Variants in CDPF1 observed in about 807,000 individuals in gnomAD.
The protein encoded by CDPF1 is cysteine rich DPF motif domain containing 1, also known as cysteine-rich DPF motif domain-containing protein 1.
CDPF1 carries 8 observed loss-of-function variants against 8.3 expected under a neutral mutation model. That is an observed-to-expected ratio of 0.96 (90% CI 0.57 to 1.74). The LOEUF (loss-of-function observed/expected upper bound fraction) is 1.74. Among genes scored for constraint, CDPF1 ranks in the 40% most tolerant of loss-of-function variants. The pLI, the probability that CDPF1 is intolerant of heterozygous loss-of-function variation, is 0.00. For missense variants in CDPF1, 151 were observed against 155.3 expected (o/e 0.97, Z 0.15); for synonymous variants, 62 against 62.9 (o/e 0.99, Z 0.07).
rs1273220236 is a variant in CDPF1 at position 46,249,570 on chromosome 22, A to C, written c.-1+686T>G. ...AAGCTGAGGCAGGGGAATCACTTGA[A>C]CCTAGGAGGCGGAGATTGCAGTGAG... On this transcript the variant is annotated intron_variant, in intron 1 of 3. Coordinates refer to ENST00000314567, the MANE Select transcript of CDPF1 (RefSeq NM_207327.5). The surrounding 1 kb of genome is among the most constrained non-coding windows in gnomAD (Gnocchi z 4.6). 6.6e-6 allele frequency among the ~76,000 whole-genome samples: 1 copy of C among 152,032 alleles called. No homozygotes were observed. The highest frequency in any genetic ancestry group is 2.4e-5 in the African/African-American group (1 of 41,372).
In CDPF1 at chr22:46,249,761, G is replaced by C. The variant is rs1936548317; in HGVS notation, c.-1+495C>G. On this transcript the variant is annotated intron_variant, in intron 1 of 3. Coordinates refer to ENST00000314567, the MANE Select transcript of CDPF1 (RefSeq NM_207327.5). The surrounding 1 kb of genome is among the most constrained non-coding windows in gnomAD (Gnocchi z 4.6). ...AGGTAGGAGAATCGCTTGAGCGGGGGGTTGGGGAGCGGGGGCTGGGGGGGC... is the reference window on the plus strand; with the variant it reads ...AGGTAGGAGAATCGCTTGAGCGGGGCGTTGGGGAGCGGGGGCTGGGGGGGC... 6.8e-6 allele frequency among the ~76,000 whole-genome samples: 1 copy of C among 146,312 alleles called. No individual in the cohort carries two copies. Among genetic ancestry groups the C allele is most frequent in the South Asian group, 2.2e-4 (1 of 4,572 alleles).
In CDPF1 at chr22:46,248,247, A is replaced by G; in HGVS notation, c.38T>C (p.Phe13Ser). Residue 13 changes from phenylalanine (F) to serine (S), a missense_variant, in exon 2 of 4, where the codon TTT becomes TCT. By Grantham distance (155) the Phe-to-Ser change is radical. Coordinates refer to ENST00000314567, the MANE Select transcript of CDPF1 (RefSeq NM_207327.5). This position sits in a 1 kb window ranked among gnomAD's most constrained non-coding sequence, Gnocchi z 4.1. ...SHVECRPLGV[F>S]ECELCTLTAP... Reference sequence around the variant, plus strand: ...TGTCAAGGTACAGAGTTCACACTCAAACACTCCCAGAGGACGGCACTCTAC... The same window carrying G: ...TGTCAAGGTACAGAGTTCACACTCAGACACTCCCAGAGGACGGCACTCTAC... 6.2e-7 allele frequency: 1 copy of G among 1,613,814 alleles called. No individual in the cohort carries two copies. The highest frequency in any genetic ancestry group is 8.5e-7 in the Non-Finnish European group (1 of 1,179,868).
rs556723097 is a variant in CDPF1, at chr22:46,244,714, G to A, written c.*378C>T. 2.0e-4 allele frequency: 45 copies of A among 226,234 alleles called. No homozygotes were observed. In the South Asian group the frequency reaches 2.2e-3, roughly 11 times the overall value. 14.0% of individuals were successfully genotyped at this position (226,234 alleles called of 1,614,324 possible). Reference sequence around the variant, plus strand: ...GCCACCTACAGTGCACCATGGCCCCGACACAGTGTGGCATCTCCCCCCACA... The same window carrying A: ...GCCACCTACAGTGCACCATGGCCCCAACACAGTGTGGCATCTCCCCCCACA... On this transcript the variant is annotated 3_prime_UTR_variant, in exon 4 of 4. Transcript: ENST00000314567. This position sits in a 1 kb window ranked among gnomAD's most constrained non-coding sequence, Gnocchi z 6.7.
rs1004484944 is a variant in CDPF1 at position 46,249,939 on chromosome 22, C to G, written c.-1+317G>C. On this transcript the variant is annotated intron_variant, in intron 1 of 3. Coordinates refer to ENST00000314567, the MANE Select transcript of CDPF1 (RefSeq NM_207327.5). This position sits in a 1 kb window ranked among gnomAD's most constrained non-coding sequence, Gnocchi z 4.6. ...ACGCCGGGGCGTCCTAGGCCCCTGC[C>G]GAGGCTCCTGGGGGCGGTGCCTGTG... 2.0e-5 allele frequency among the ~76,000 whole-genome samples: 3 copies of G among 152,118 alleles called. No homozygotes were observed. The highest frequency in any genetic ancestry group is 7.2e-5 in the African/African-American group (3 of 41,422).
In CDPF1 at chr22:46,245,105, C is replaced by A. The variant is rs966121034; in HGVS notation, c.359G>T (p.Gly120Val). 1.9e-6 allele frequency: 3 copies of A among 1,614,226 alleles called. No homozygotes were observed. Among genetic ancestry groups the A allele is most frequent in the Non-Finnish European group, 2.5e-6 (3 of 1,180,006 alleles). ...APSKRTPSQP[G>V]SRT The stretch of plus-strand genomic sequence containing the variant: ...CCCCAGTTGCACTCACGTCCGAGAA[C>A]CGGGCTGGCTGGGGGTCCTCTTTGA... Residue 120 changes from glycine (G) to valine (V), a missense_variant, in exon 4 of 4, where the codon GGT (glycine) becomes GTT (valine). Transcript: ENST00000314567. This position sits in a 1 kb window ranked among gnomAD's most constrained non-coding sequence, Gnocchi z 6.9.
rs774276643 is a variant in CDPF1, at chr22:46,247,234, G to GGTGCC, written c.114-14_114-13insGGCAC. On this transcript the variant is annotated splice_polypyrimidine_tract_variant and intron_variant, in intron 2 of 3. Coordinates refer to ENST00000314567, the MANE Select transcript of CDPF1 (RefSeq NM_207327.5). This position sits in a 1 kb window ranked among gnomAD's most constrained non-coding sequence, Gnocchi z 4.3. ...TTCCTCCAGGAGGCTGCAGGAGAGT[G>GGTGCC]AATGCAGCGTCAGAACAGCCCAAAT... 6.4e-7 allele frequency: 1 copy of GGTGCC among 1,569,840 alleles called. No individual in the cohort carries two copies. The highest frequency in any genetic ancestry group is 8.8e-7 in the Non-Finnish European group (1 of 1,141,218).
Position 46,247,284 on chromosome 22 carries a change from G to T in CDPF1, c.114-63C>A. On this transcript the variant is annotated intron_variant, in intron 2 of 3. Transcript: ENST00000314567. This position sits in a 1 kb window ranked among gnomAD's most constrained non-coding sequence, Gnocchi z 4.3. The stretch of plus-strand genomic sequence containing the variant: ...TCTCTGCCGTCGGAAAATCAGCCAT[G>T]ACCTATGGCCAGGCAGCAGCAGCCT... The T allele has an allele frequency of 8.8e-7, 1 of 1,137,028 alleles. No individual in the cohort carries two copies. The allele number at this position is 1,137,028 out of a possible 1,614,324, so 70.4% of individuals were successfully genotyped here. A position where few individuals can be genotyped will look rare whatever the true frequency, so the allele number is the denominator to read the frequency against.
chr22:46,245,061 G>A lies in CDPF1; in HGVS notation c.*31C>T, dbSNP rs770281590. ...GGCTGGCCCAGGAGCTCTGTGCAGG[G>A]TGCCGCCCGATGACCTAGCCCCAGT... On this transcript the variant is annotated 3_prime_UTR_variant, in exon 4 of 4. Transcript: ENST00000314567. The surrounding 1 kb of genome is among the most constrained non-coding windows in gnomAD (Gnocchi z 6.9). 2 of 1,611,936 alleles carry A rather than the reference G, an allele frequency of 1.2e-6. No individual in the cohort carries two copies. The highest frequency in any genetic ancestry group is 1.3e-5 in the African/African-American group (1 of 74,934).
chr22:46,247,942 C>T lies in CDPF1; in HGVS notation c.113+230G>A, dbSNP rs1029910407. On this transcript the variant is annotated intron_variant, in intron 2 of 3. Coordinates refer to ENST00000314567, the MANE Select transcript of CDPF1 (RefSeq NM_207327.5). The surrounding 1 kb of genome is among the most constrained non-coding windows in gnomAD (Gnocchi z 4.3). ...CCCCAGCTGCTGAGCTGCTCCCCCA[C>T]AGCTAGAGCAGGTATTGGACTCTGG... is the stretch of plus-strand genomic sequence containing the variant. 3.9e-5 allele frequency among the ~76,000 whole-genome samples: 6 copies of T among 152,238 alleles called. No homozygotes were observed. The highest frequency in any genetic ancestry group is 1.4e-4 in the African/African-American group (6 of 41,460).
chr22:46,246,681 G>C lies in CDPF1; in HGVS notation c.225+429C>G, dbSNP rs1194749103. 6.3e-7 allele frequency: 1 copy of C among 1,581,040 alleles called. No individual in the cohort carries two copies. Among genetic ancestry groups the C allele is most frequent in the South Asian group, 1.2e-5 (1 of 86,328 alleles). ...ATATAATACTGCTTTACCTGACTAA[G>C]GGGCAGGACTGAATGAAGCCTCAGC... On this transcript the variant is annotated intron_variant, in intron 3 of 3. Transcript: ENST00000314567. The surrounding 1 kb of genome is among the most constrained non-coding windows in gnomAD (Gnocchi z 7.1).
Position 46,249,279 on chromosome 22 carries a change from G to A in CDPF1, c.-1+977C>T, listed in dbSNP as rs866613322. 1.3e-5 allele frequency among the ~76,000 whole-genome samples: 2 copies of A among 152,156 alleles called. No homozygotes were observed. The highest frequency in any genetic ancestry group is 3.9e-4 in the East Asian group (2 of 5,190). ...TGAACTGAGCGTGGTGTATAAAGGCGTATCAAATGCGATGGCTTTCCCCAC... is the reference window on the plus strand; with the variant it reads ...TGAACTGAGCGTGGTGTATAAAGGCATATCAAATGCGATGGCTTTCCCCAC... On this transcript the variant is annotated intron_variant, in intron 1 of 3. Coordinates refer to ENST00000314567, the MANE Select transcript of CDPF1 (RefSeq NM_207327.5). This position sits in a 1 kb window ranked among gnomAD's most constrained non-coding sequence, Gnocchi z 4.6.
chr22:46,247,073 C>T lies in CDPF1; in HGVS notation c.225+37G>A. Reference sequence around the variant, plus strand: ...AGGGAGAGCTCCAGGATAACCACAGCAAGGACAGGTGGCCCCAGCCCACGC... The same window carrying T: ...AGGGAGAGCTCCAGGATAACCACAGTAAGGACAGGTGGCCCCAGCCCACGC... On this transcript the variant is annotated intron_variant, in intron 3 of 3. Coordinates refer to ENST00000314567, the MANE Select transcript of CDPF1 (RefSeq NM_207327.5). The surrounding 1 kb of genome is among the most constrained non-coding windows in gnomAD (Gnocchi z 4.3). The T allele has an allele frequency of 2.0e-6, 3 of 1,529,762 alleles. No homozygotes were observed. The highest frequency in any genetic ancestry group is 2.7e-6 in the Non-Finnish European group (3 of 1,107,632). The allele number at this position is 1,529,762 out of a possible 1,614,324, so 94.8% of individuals were successfully genotyped here.
In CDPF1 at chr22:46,246,182, C is replaced by A. The variant is rs1378835037; in HGVS notation, c.225+928G>T. Among the ~76,000 whole-genome samples, 1 of 152,222 alleles carries A rather than the reference C, an allele frequency of 6.6e-6. No homozygotes were observed. The highest frequency in any genetic ancestry group is 2.4e-5 in the African/African-American group (1 of 41,446). On this transcript the variant is annotated intron_variant, in intron 3 of 3. Coordinates refer to ENST00000314567, the MANE Select transcript of CDPF1 (RefSeq NM_207327.5). The surrounding 1 kb of genome is among the most constrained non-coding windows in gnomAD (Gnocchi z 7.1). ...AGACCCTTCGCCATGGAGATCCGCTCACTAACAACCTACTGTTTAAACAAA... is the reference window on the plus strand; with the variant it reads ...AGACCCTTCGCCATGGAGATCCGCTAACTAACAACCTACTGTTTAAACAAA...
chr22:46,248,028 G>T lies in CDPF1; in HGVS notation c.113+144C>A, dbSNP rs1936518274. On this transcript the variant is annotated intron_variant, in intron 2 of 3. Coordinates refer to ENST00000314567, the MANE Select transcript of CDPF1 (RefSeq NM_207327.5). This position sits in a 1 kb window ranked among gnomAD's most constrained non-coding sequence, Gnocchi z 4.1. Reference sequence around the variant, plus strand: ...CTCAAGCCTTGCCCAGGCCTCCAGAGATTACACCAGAAGCATTCAGAGCCT... The same window carrying T: ...CTCAAGCCTTGCCCAGGCCTCCAGATATTACACCAGAAGCATTCAGAGCCT... 2 of 569,662 alleles carry T rather than the reference G, an allele frequency of 3.5e-6. No homozygotes were observed. Among genetic ancestry groups the T allele is most frequent in the Non-Finnish European group, 6.3e-6 (2 of 319,174 alleles). The allele number at this position is 569,662 out of a possible 1,614,324, so 35.3% of individuals were successfully genotyped here.
chr22:46,249,371 C>G lies in CDPF1; in HGVS notation c.-1+885G>C, dbSNP rs561993668. Among the ~76,000 whole-genome samples, 7 of 152,204 alleles carry G rather than the reference C, an allele frequency of 4.6e-5. No individual in the cohort carries two copies. In the East Asian group the frequency reaches 1.2e-3, roughly 25 times the overall value. On this transcript the variant is annotated intron_variant, in intron 1 of 3. Coordinates refer to ENST00000314567, the MANE Select transcript of CDPF1 (RefSeq NM_207327.5). The surrounding 1 kb of genome is among the most constrained non-coding windows in gnomAD (Gnocchi z 4.6). ...GTGACTTTAAAAGTTAAGTCTGGCC[C>G]GGTGTGGTTGCTCATACCTGTAATC...
Position 46,244,876 on chromosome 22 carries a change from T to C in CDPF1, c.*216A>G. On this transcript the variant is annotated 3_prime_UTR_variant, in exon 4 of 4. Transcript: ENST00000314567. The surrounding 1 kb of genome is among the most constrained non-coding windows in gnomAD (Gnocchi z 6.7). ...CCTGGCCGGGTTCCTGGCTGTGTCTTGTCTGGCATCTGCCTTTGGACTACC... is the reference window on the plus strand; with the variant it reads ...CCTGGCCGGGTTCCTGGCTGTGTCTCGTCTGGCATCTGCCTTTGGACTACC... 1 of 570,914 alleles carries C rather than the reference T, an allele frequency of 1.8e-6. No homozygotes were observed. The highest frequency in any genetic ancestry group is 2.1e-5 in the South Asian group (1 of 47,832). The allele number at this position is 570,914 out of a possible 1,614,324, so 35.4% of individuals were successfully genotyped here.
chr22:46,248,403 G>T lies in CDPF1; in HGVS notation c.1-119C>A, dbSNP rs955077814. On this transcript the variant is annotated intron_variant, in intron 1 of 3. Transcript: ENST00000314567. The surrounding 1 kb of genome is among the most constrained non-coding windows in gnomAD (Gnocchi z 4.1). ...TAGCACAGTTTCTTGCCTCCCTACCGTACCCTTTTCTCTATCCCCAGCTGA... is the reference window on the plus strand; with the variant it reads ...TAGCACAGTTTCTTGCCTCCCTACCTTACCCTTTTCTCTATCCCCAGCTGA... The T allele has an allele frequency of 3.2e-5, 20 of 618,266 alleles. No homozygotes were observed. The highest frequency in any genetic ancestry group is 2.5e-4 in the Middle Eastern group (1 of 3,932). 38.3% of individuals were successfully genotyped at this position (618,266 alleles called of 1,614,324 possible). A position where few individuals can be genotyped will look rare whatever the true frequency, so the allele number is the denominator to read the frequency against.
In CDPF1 at chr22:46,248,726, G is replaced by T. The variant is rs776447037; in HGVS notation, c.1-442C>A. On this transcript the variant is annotated intron_variant, in intron 1 of 3. Transcript: ENST00000314567. This position sits in a 1 kb window ranked among gnomAD's most constrained non-coding sequence, Gnocchi z 4.1. ...TAGTCCACACGTGGTGTGGACATTA[G>T]AACTGTTTTCTTGGCCAGGCGCAGT... Among the ~76,000 whole-genome samples the T allele has an allele frequency of 6.6e-6, 1 of 152,182 alleles. No homozygotes were observed. Among genetic ancestry groups the T allele is most frequent in the Non-Finnish European group, 1.5e-5 (1 of 68,038 alleles).
rs78968414 is a variant in CDPF1, at chr22:46,248,438, T to A, written c.1-154A>T. On this transcript the variant is annotated intron_variant, in intron 1 of 3. Transcript: ENST00000314567. This position sits in a 1 kb window ranked among gnomAD's most constrained non-coding sequence, Gnocchi z 4.1. Reference sequence around the variant, plus strand: ...CTCTATCCCCAGCTGAAACAGGTTTTCACCGGTGCCCAGAGTGACAGGATT... The same window carrying A: ...CTCTATCCCCAGCTGAAACAGGTTTACACCGGTGCCCAGAGTGACAGGATT... Among the ~76,000 whole-genome samples, 2 of 152,332 alleles carry A rather than the reference T, an allele frequency of 1.3e-5. No individual in the cohort carries two copies. Among genetic ancestry groups the A allele is most frequent in the African/African-American group, 4.8e-5 (2 of 41,576 alleles).
Sources: allele counts gnomAD v4.1 joint callset (sites outside exome capture counted in the v4.1 genomes callset), GRCh38; gene constraint gnomAD v4.1.1; non-coding constraint Gnocchi (gnomAD v3.1); transcripts MANE v1.5; gene names NCBI Gene and HGNC (gene_info 2026-07-23, HGNC 2026-07-21).